PATJ: variants seen among roughly 807,000 people sequenced by gnomAD.
The protein encoded by PATJ is inaD-like protein.
A neutral mutation model predicts 224.9 loss-of-function variants in PATJ; 190 were observed. That is an observed-to-expected ratio of 0.84 (90% CI 0.75 to 0.95). PATJ has a LOEUF of 0.95. PATJ is among the 40% of genes least tolerant of loss of function. The pLI is 0.00. For synonymous variants in PATJ, 769 were observed against 820.3 expected (o/e 0.94, Z 1.07); for missense variants, 2,121 against 2,270.3 (o/e 0.93, Z 1.34).
chr1:62,158,678 A>G (rs984252333), intron 43 of PATJ, among the ~76,000 whole-genome samples: 8 of 140,154 alleles, frequency 5.7e-5, no homozygotes, highest in African/African-American at 7.9e-5. Flanking sequence ...CCGAGATTGC[A>G]CCACTGCATT....
Position 61,980,249 on chromosome 1 carries a change from A to T in PATJ, c.3671-9919A>T, listed in dbSNP as rs145287616. Among the ~76,000 whole-genome samples the T allele has an allele frequency of 2.0e-4, 30 of 152,114 alleles. 2 individuals carry two copies. The highest frequency in any genetic ancestry group is 6.8e-4 in the African/African-American group (28 of 41,376). On this transcript the variant is annotated intron_variant, in intron 27 of 43. Coordinates refer to ENST00000642238, the MANE Select transcript of PATJ (RefSeq NM_001350145.3). ...GCAGTGAGCCATGATTATGCCGCTG[A>T]ACTCTAGCCTGGTCAACAGAATGAG...
Position 61,808,476 on chromosome 1 carries a change from T to C in PATJ, c.1629T>C (p.Val543=), listed in dbSNP as rs761921828. 3 of 1,599,304 alleles carry C rather than the reference T, an allele frequency of 1.9e-6. No homozygotes were observed. In the Admixed American group the frequency reaches 5.1e-5, roughly 27 times the overall value. The change falls in exon 14 of 44, where the codon GTT becomes GTC. Residue 543 remains valine (V), a splice_region_variant and synonymous_variant. Transcript: ENST00000642238. ...GGAAATTTTTTTTGTAAATTTAGGT[T>C]GCTACTTTGGACACACAGATTGCAG... ...NLLGPDYEVM[V]ATLDTQIADD...
chr1:62,048,545 CAAAAAAAAAAAAAA>C (rs773157635), intron 30 of PATJ, among the ~76,000 whole-genome samples: 6 of 66,192 alleles, frequency 9.1e-5, no homozygotes, highest in East Asian at 8.4e-4. Flanking sequence ...GACTCTGTCT[CAAAAAAAAAAAAAA>C]AAAAAAAAAA....
At chr1:61,987,419 C>G (rs527605643) in intron 27 of PATJ, among the ~76,000 whole-genome samples, 1 of 151,940 alleles carries the variant, frequency 6.6e-6, no homozygotes, top group South Asian at 2.1e-4. Context: ...AAAAAAGATG[C>G]CTTATTACTT....
At chr1:61,967,685 G>A (rs1682372231) in intron 27 of PATJ, among the ~76,000 whole-genome samples, 3 of 152,144 alleles carry the variant, frequency 2.0e-5, no homozygotes, top group South Asian at 4.1e-4. Context: ...AAAGGTAACC[G>A]TCACTCAAAA....
At chr1:62,120,962 C>A in intron 37 of PATJ, 1 of 455,420 alleles carries the variant, frequency 2.2e-6, no homozygotes, top group Middle Eastern at 5.6e-4. Flanking sequence ...TACAAAAGCA[C>A]ACATAATGGA....
intron 29 of PATJ, among the ~76,000 whole-genome samples, chr1:62,037,269 A>C (rs979159397): frequency 5.3e-5 from 8 of 152,148 alleles, no homozygotes; most frequent in African/African-American, 1.9e-4. Context: ...GATAGTCATT[A>C]TCTCCCACAG....
chr1:62,004,096 G>A (rs900993282), intron 28 of PATJ, among the ~76,000 whole-genome samples: 3 of 152,158 alleles, frequency 2.0e-5, no homozygotes, highest in Non-Finnish European at 4.4e-5. Flanking sequence ...ACTCCAAGAT[G>A]AGACAATTGC....
chr1:61,931,232 C>G (rs12077526), intron 27 of PATJ, among the ~76,000 whole-genome samples: 6,037 of 152,170 alleles, frequency 0.04, 428 homozygotes, highest in African/African-American at 0.14. Context: ...AGACACTGTT[C>G]TAGGTGTTGA....
intron 25 of PATJ, among the ~76,000 whole-genome samples, chr1:61,912,500 A>C (rs1174436457): frequency 6.6e-6 from 1 of 151,608 alleles, no homozygotes; most frequent in African/African-American, 2.4e-5. Flanking sequence ...AATGAGGCAC[A>C]AGAATTGCTT....
intron 18 of PATJ, among the ~76,000 whole-genome samples, chr1:61,859,095 T>C (rs927149492): frequency 1.2e-4 from 18 of 152,288 alleles, no homozygotes; most frequent in African/African-American, 4.1e-4. Context: ...ATTTGCCAGA[T>C]TAGTGTGGCT....
At chr1:62,118,205 T>C (rs1474119389) in intron 37 of PATJ, among the ~76,000 whole-genome samples, 2 of 151,646 alleles carry the variant, frequency 1.3e-5, no homozygotes, top group Admixed American at 6.6e-5. Flanking sequence ...TTTTTTTTTT[T>C]CATTTCTGGC....
chr1:62,117,343 A>G lies in PATJ; in HGVS notation c.4890+125A>G, dbSNP rs1267869095. ...ACAGCATATTCACAGCACCAAGTTT[A>G]GTGAACTTTCATGTGTTTGAAATAA... On this transcript the variant is annotated intron_variant, in intron 37 of 43. Transcript: ENST00000642238. The G allele has an allele frequency of 3.4e-6, 5 of 1,461,152 alleles. No homozygotes were observed. The African/African-American group carries it at 7.1e-5, about 21-fold the overall frequency. 90.5% of individuals were successfully genotyped at this position (1,461,152 alleles called of 1,614,324 possible).
chr1:61,828,012 C>T (rs993172678), intron 16 of PATJ, among the ~76,000 whole-genome samples: 6 of 151,984 alleles, frequency 3.9e-5, no homozygotes, highest in African/African-American at 1.2e-4. Flanking sequence ...TTTGGGAGGC[C>T]GAGGTGGGTG....
Position 61,954,209 on chromosome 1 carries a change from C to T in PATJ, c.3670+26380C>T, listed in dbSNP as rs56304307. 2.8e-3 allele frequency among the ~76,000 whole-genome samples: 430 copies of T among 152,272 alleles called. 1 individual carries two copies. The highest frequency in any genetic ancestry group is 9.8e-3 in the African/African-American group (407 of 41,572). ...TTTAACTCCAAAGTATTTTAATACA[C>T]TTTGGTAGTCTTATGACTTAGTCTA... On this transcript the variant is annotated intron_variant, in intron 27 of 43. Transcript: ENST00000642238.
At chr1:61,760,110 C>T (rs1249031302) in intron 1 of PATJ, among the ~76,000 whole-genome samples, 8 of 152,096 alleles carry the variant, frequency 5.3e-5, no homozygotes, top group East Asian at 1.9e-4. Context: ...GTCATGACTG[C>T]CCTTTTGTTA....
intron 9 of PATJ, among the ~76,000 whole-genome samples, chr1:61,793,497 T>G (rs1650329687): frequency 6.6e-6 from 1 of 152,004 alleles, no homozygotes; most frequent in Admixed American, 6.6e-5. Flanking sequence ...TCCCAGCACT[T>G]TGGGAGGCTG....
intron 27 of PATJ, among the ~76,000 whole-genome samples, chr1:61,931,904 C>G (rs1440162317): frequency 6.6e-6 from 1 of 152,172 alleles, no homozygotes; most frequent in Non-Finnish European, 1.5e-5. Context: ...CACATACACA[C>G]AGGAACATGT....
At chr1:61,941,650 CAATA>C (rs755332851) in intron 27 of PATJ, among the ~76,000 whole-genome samples, 39 of 151,854 alleles carry the variant, frequency 2.6e-4, no homozygotes, top group African/African-American at 8.0e-4. Flanking sequence ...GACTCTGTCT[CAATA>C]AATAAATAAA....
Sources: allele counts gnomAD v4.1 joint callset (sites outside exome capture counted in the v4.1 genomes callset), GRCh38; gene constraint gnomAD v4.1.1; transcripts MANE v1.5; gene names NCBI Gene and HGNC (gene_info 2026-07-23, HGNC 2026-07-21).